Variants in ZNF613 observed in about 807,000 individuals in gnomAD.
ZNF613 encodes zinc finger protein 613.
ZNF613 carries 8 observed loss-of-function variants against 14.3 expected under a neutral mutation model. The observed-to-expected ratio is 0.56, with a 90% CI of 0.33 to 1.01. The LOEUF (loss-of-function observed/expected upper bound fraction) is 1.01, where lower values mean the gene tolerates loss of function less well. ZNF613 is among the 50% of genes least tolerant of loss of function. The pLI, the probability that ZNF613 is intolerant of heterozygous loss-of-function variation, is 0.03. For missense variants in ZNF613, 656 were observed against 741.9 expected (o/e 0.88, Z 1.35); for synonymous variants, 228 against 254.5 (o/e 0.90, Z 0.99).
chr19:51,944,106 T>G lies in ZNF613; in HGVS notation c.236-13T>G. The G allele has an allele frequency of 6.6e-7, 1 of 1,516,992 alleles. No individual in the cohort carries two copies. Among genetic ancestry groups the G allele is most frequent in the Non-Finnish European group, 8.8e-7 (1 of 1,135,124 alleles). 94.0% of individuals were successfully genotyped at this position (1,516,992 alleles called of 1,614,324 possible). ...ATGCTCATGGAAAGATTTATTGTTCTCTTCTTTCCTAGAAATCAAGAAAGT... is the reference window on the plus strand; with the variant it reads ...ATGCTCATGGAAAGATTTATTGTTCGCTTCTTTCCTAGAAATCAAGAAAGT... On this transcript the variant is annotated splice_polypyrimidine_tract_variant and intron_variant, in intron 5 of 5. Coordinates refer to ENST00000293471, the MANE Select transcript of ZNF613 (RefSeq NM_001031721.4).
intron 1 of ZNF613, among the ~76,000 whole-genome samples, chr19:51,928,893 A>G (rs1484211064): frequency 6.6e-6 from 1 of 151,824 alleles, no homozygotes; most frequent in Non-Finnish European, 1.5e-5. Flanking sequence ...GAAAAGAAAA[A>G]GGAAAAAACA....
intron 3 of ZNF613, among the ~76,000 whole-genome samples, chr19:51,939,438 C>T (rs1313452130): frequency 6.6e-6 from 1 of 152,094 alleles, no homozygotes; most frequent in Admixed American, 6.5e-5. Flanking sequence ...AAGTGATTCT[C>T]CTGCCTCAGT....
intron 5 of ZNF613, 25 bp from the exon 6 acceptor site, chr19:51,944,094 G>T: frequency 2.6e-6 from 4 of 1,511,230 alleles, no homozygotes; most frequent in Non-Finnish European, 3.5e-6. Context: ...CTCATGGAAA[G>T]ATTTATTGTT....
chr19:51,931,004 C>G, intron 2 of ZNF613, among the ~76,000 whole-genome samples: 1 of 152,154 alleles, frequency 6.6e-6, no homozygotes. Flanking sequence ...TTGCATTTCT[C>G]TGGAGACTTA....
intron 1 of ZNF613, among the ~76,000 whole-genome samples, chr19:51,928,198 G>A (rs1287183150): frequency 6.6e-6 from 1 of 152,176 alleles, no homozygotes; most frequent in African/African-American, 2.4e-5. Flanking sequence ...AAAGTGCTGG[G>A]ATTACGGGCG....
At chr19:51,936,329 T>C (rs946956024) in intron 3 of ZNF613, 94 bp downstream of exon 3, 10 of 1,309,734 alleles carry the variant, frequency 7.6e-6, no homozygotes, top group Non-Finnish European at 1.0e-5. Flanking sequence ...AAGTATAATT[T>C]GGTAAACTAG....
In ZNF613 at chr19:51,945,580, A is replaced by C. The variant is rs1277820855; in HGVS notation, c.1697A>C (p.Lys566Thr). The C allele has an allele frequency of 6.2e-7, 1 of 1,614,048 alleles. No individual in the cohort carries two copies. The highest frequency in any genetic ancestry group is 8.5e-7 in the Non-Finnish European group (1 of 1,180,022). ...CATACACGTGATCTCATACAGGATAAAGACTCTGTTAACATGGTGACTCTG... is the reference window on the plus strand; with the variant it reads ...CATACACGTGATCTCATACAGGATACAGACTCTGTTAACATGGTGACTCTG... ...LSHTRDLIQD[K>T]DSVNMVTLQM... The change falls in exon 6 of 6, where the codon AAA (lysine) becomes ACA (threonine). Residue 566 changes from lysine (K) to threonine (T), a missense_variant. Physicochemically the swap from Lys to Thr is moderately conservative, Grantham distance 78. Transcript: ENST00000293471.
chr19:51,930,106 C>T (rs1325096264), intron 2 of ZNF613, among the ~76,000 whole-genome samples: 3 of 152,180 alleles, frequency 2.0e-5, no homozygotes, highest in Non-Finnish European at 1.5e-5. Context: ...TTACCACTCC[C>T]TATGCCCTAC....
intron 2 of ZNF613, among the ~76,000 whole-genome samples, chr19:51,930,336 A>C (rs997503352): frequency 6.6e-6 from 1 of 151,752 alleles, no homozygotes; most frequent in Non-Finnish European, 1.5e-5. Flanking sequence ...ATCTCAGCTC[A>C]CTGCAACCAC....
At chr19:51,932,464 A>AT (rs1242841630) in intron 2 of ZNF613, among the ~76,000 whole-genome samples, 6 of 150,800 alleles carry the variant, frequency 4.0e-5, no homozygotes, top group South Asian at 4.2e-4. Context: ...TGCCTGGCTA[A>AT]TTTTGTATTT....
chr19:51,945,908 GA>G lies in ZNF613; in HGVS notation c.*174del, dbSNP rs2085398018. 2 of 677,880 alleles carry G rather than the reference GA, an allele frequency of 3.0e-6. No individual in the cohort carries two copies. Among genetic ancestry groups the G allele is most frequent in the East Asian group, 5.5e-5 (2 of 36,332 alleles). 42.0% of individuals were successfully genotyped at this position (677,880 alleles called of 1,614,324 possible). On this transcript the variant is annotated 3_prime_UTR_variant, in exon 6 of 6. Coordinates refer to ENST00000293471, the MANE Select transcript of ZNF613 (RefSeq NM_001031721.4). ...AAAAATAGTATGAAGTGGAGACTGG[GA>G]AATTCTTTTATGGGAAGATAGATCT...
chr19:51,938,573 C>T (rs1317257966), intron 3 of ZNF613, among the ~76,000 whole-genome samples: 2 of 151,982 alleles, frequency 1.3e-5, no homozygotes, highest in Non-Finnish European at 2.9e-5. Context: ...GTACTGTTGT[C>T]TGGTAAGGGA....
intron 2 of ZNF613, among the ~76,000 whole-genome samples, chr19:51,933,955 C>T (rs1396137009): frequency 2.0e-5 from 3 of 152,126 alleles, no homozygotes; most frequent in Admixed American, 6.6e-5. Flanking sequence ...TGTGCCACCA[C>T]ACCTGGCTAC....
chr19:51,940,275 G>A lies in ZNF613; in HGVS notation c.82G>A (p.Ala28Thr). 6.2e-7 allele frequency: 1 copy of A among 1,613,786 alleles called. No homozygotes were observed. Among genetic ancestry groups the A allele is most frequent in the African/African-American group, 1.3e-5 (1 of 74,994 alleles). ...GGAGGAGTGGCAGCTCCTCGGCCCT[G>A]CTCAGAAGGACCTGTACCGAGACGT... ...TWEEWQLLGP[A>T]QKDLYRDVML... Residue 28 changes from alanine (A) to threonine (T), a missense_variant, in exon 4 of 6, where the codon GCT (alanine) becomes ACT (threonine). By Grantham distance (58) the Ala-to-Thr change is moderately conservative (BLOSUM62 0). Coordinates refer to ENST00000293471, the MANE Select transcript of ZNF613 (RefSeq NM_001031721.4).
At position 51,945,583 on chromosome 19, in the gene ZNF613, A is replaced by G; in HGVS notation, c.1700A>G (p.Asp567Gly). Residue 567 changes from aspartate (D) to glycine (G), a missense_variant, in exon 6 of 6, where the codon GAC becomes GGC. Asp to Gly is a moderately conservative substitution (Grantham distance 94). Coordinates refer to ENST00000293471, the MANE Select transcript of ZNF613 (RefSeq NM_001031721.4). ...SHTRDLIQDK[D>G]SVNMVTLQMP... ...ACACGTGATCTCATACAGGATAAAG[A>G]CTCTGTTAACATGGTGACTCTGCAG... 1 of 1,614,052 alleles carries G rather than the reference A, an allele frequency of 6.2e-7. No individual in the cohort carries two copies. Among genetic ancestry groups the G allele is most frequent in the Non-Finnish European group, 8.5e-7 (1 of 1,179,996 alleles).
intron 2 of ZNF613, among the ~76,000 whole-genome samples, chr19:51,933,950 C>A (rs1012262498): frequency 1.3e-5 from 2 of 152,112 alleles, no homozygotes. Context: ...AGACATGTGC[C>A]ACCACACCTG....
rs774517399 is a variant in ZNF613, at chr19:51,945,728, C to A, written c.1845C>A (p.Cys615Ter). The A allele has an allele frequency of 6.2e-7, 1 of 1,614,012 alleles. No individual in the cohort carries two copies. The highest frequency in any genetic ancestry group is 1.7e-5 in the Admixed American group (1 of 60,014). Residue 615 changes from cysteine (C) to a stop codon, truncating the protein, a stop_gained, in exon 6 of 6, where the codon TGC (cysteine) becomes TGA (stop). Transcript: ENST00000293471. LOFTEE classifies it high-confidence loss of function. ...RSSVSADSRI[C>*]TE ...CAGTCTCAGCAGATAGTAGAATTTG[C>A]ACAGAATAAAAACCATATGAATGCA...
chr19:51,944,644 A>G lies in ZNF613; in HGVS notation c.761A>G (p.His254Arg). 6.2e-7 allele frequency: 1 copy of G among 1,614,226 alleles called. No individual in the cohort carries two copies. The highest frequency in any genetic ancestry group is 1.1e-5 in the South Asian group (1 of 91,090). ...GGGCTCACTGAACACCAGAGAAACCACACAGGAGAGAAACCCTATGAATGC... is the reference window on the plus strand; with the variant it reads ...GGGCTCACTGAACACCAGAGAAACCGCACAGGAGAGAAACCCTATGAATGC... ...KSGLTEHQRN[H>R]TGEKPYECTE... The change falls in exon 6 of 6, where the codon CAC becomes CGC. Residue 254 changes from histidine (H) to arginine (R), a missense_variant. Physicochemically the swap from His to Arg is conservative, Grantham distance 29. Coordinates refer to ENST00000293471, the MANE Select transcript of ZNF613 (RefSeq NM_001031721.4).
rs1187222224 is a variant in ZNF613, at chr19:51,946,082, G to C, written c.*345G>C. 1 of 237,622 alleles carries C rather than the reference G, an allele frequency of 4.2e-6. No homozygotes were observed. Among genetic ancestry groups the C allele is most frequent in the Non-Finnish European group, 8.3e-6 (1 of 120,560 alleles). The allele number at this position is 237,622 out of a possible 1,614,324, so 14.7% of individuals were successfully genotyped here. A position where few individuals can be genotyped will look rare whatever the true frequency, so the allele number is the denominator to read the frequency against. ...AGAAACTTTTGGAAGACCTTTGAAGGCTATGAATGTGGCAGGGTTGCTAGT... is the reference window on the plus strand; with the variant it reads ...AGAAACTTTTGGAAGACCTTTGAAGCCTATGAATGTGGCAGGGTTGCTAGT... On this transcript the variant is annotated 3_prime_UTR_variant, in exon 6 of 6. Transcript: ENST00000293471.
Sources: allele counts gnomAD v4.1 joint callset (sites outside exome capture counted in the v4.1 genomes callset), GRCh38; gene constraint gnomAD v4.1.1; transcripts MANE v1.5; gene names NCBI Gene and HGNC (gene_info 2026-07-23, HGNC 2026-07-21).